The following ZNF569 variants were observed in gnomAD, a reference collection of about 807,000 sequenced individuals.
ZNF569 encodes the protein DNA-binding protein.
A neutral mutation model predicts 56.3 loss-of-function variants in ZNF569; 38 were observed. The observed-to-expected ratio is 0.68, with a 90% CI of 0.52 to 0.88. The LOEUF (loss-of-function observed/expected upper bound fraction) is 0.88. Among genes scored for constraint, ZNF569 ranks in the 40% least tolerant of loss-of-function variants. The pLI is 0.00. For synonymous variants in ZNF569, 241 were observed against 262.9 expected, an observed-to-expected ratio of 0.92 and a Z score of 0.81; for missense variants, 666 against 809.2, an observed-to-expected ratio of 0.82 and a Z score of 2.15.
At position 37,413,037 on chromosome 19, in the gene ZNF569, A is replaced by G; in HGVS notation, c.1621T>C (p.Leu541=). Residue 541 remains leucine (L), a synonymous_variant, in exon 6 of 6, where the codon TTG becomes CTG. Coordinates refer to ENST00000316950, the MANE Select transcript of ZNF569 (RefSeq NM_152484.3). The stretch of plus-strand genomic sequence containing the variant: ...GGCTTTTCCCCTGTATGACTTCTCA[A>G]ATGAAGGGTAAGGGATGCAATTTGA... ...FSQIASLTLH[L]RSHTGEKPYE... 1 of 1,613,062 alleles carries G rather than the reference A, an allele frequency of 6.2e-7. No individual in the cohort carries two copies. The highest frequency in any genetic ancestry group is 8.5e-7 in the Non-Finnish European group (1 of 1,179,608).
chr19:37,444,774 C>T (rs1056052023), intron 3 of ZNF569, 133 bp downstream of exon 3: 9 of 632,400 alleles, frequency 1.4e-5, no homozygotes, highest in African/African-American at 3.9e-5. Context: ...TAGTTTTAAT[C>T]GTTCAACTCT....
At chr19:37,422,629 A>G (rs932702184) in intron 5 of ZNF569, among the ~76,000 whole-genome samples, 5 of 152,260 alleles carry the variant, frequency 3.3e-5, no homozygotes, top group Admixed American at 3.3e-4. Context: ...AAAATAAAGC[A>G]TAATAACATG....
At chr19:37,438,438 G>C (rs2041348743) in intron 3 of ZNF569, among the ~76,000 whole-genome samples, 1 of 152,066 alleles carries the variant, frequency 6.6e-6, no homozygotes. Context: ...CAATGGAACA[G>C]AACAGAGAAC....
At chr19:37,453,080 T>G (rs1010281442) in intron 2 of ZNF569, among the ~76,000 whole-genome samples, 8 of 152,178 alleles carry the variant, frequency 5.3e-5, no homozygotes, top group Admixed American at 1.3e-4. Flanking sequence ...TCTGCTTTAT[T>G]TAGTCTGATG....
chr19:37,459,458 T>C (rs1200284072), intron 2 of ZNF569, among the ~76,000 whole-genome samples: 2 of 152,082 alleles, frequency 1.3e-5, no homozygotes, highest in Non-Finnish European at 2.9e-5. Context: ...CCTAGAATTC[T>C]CTCTATCCAG....
At chr19:37,440,858 A>G (rs2041392589) in intron 3 of ZNF569, among the ~76,000 whole-genome samples, 1 of 152,180 alleles carries the variant, frequency 6.6e-6, no homozygotes, top group Non-Finnish European at 1.5e-5. Flanking sequence ...AAGACTTAAT[A>G]TGGCAACAAA....
Position 37,413,692 on chromosome 19 carries a change from C to T in ZNF569, c.966G>A (p.Gly322=), listed in dbSNP as rs2040879070. The change falls in exon 6 of 6, where the codon GGG becomes GGA. Residue 322 remains glycine, a synonymous_variant. Transcript: ENST00000316950. ...ATTCATTACATGCATAAGGTTTCTC[C>T]CCAGTATGAACTTTCTGATGTGCAA... is the stretch of plus-strand genomic sequence containing the variant. ...SLIAHQKVHT[G]EKPYACNECG... 6.2e-7 allele frequency: 1 copy of T among 1,613,570 alleles called. No homozygotes were observed. Among genetic ancestry groups the T allele is most frequent in the Admixed American group, 1.7e-5 (1 of 59,978 alleles).
At chr19:37,451,947 A>T (rs545027234) in intron 2 of ZNF569, among the ~76,000 whole-genome samples, 1 of 152,226 alleles carries the variant, frequency 6.6e-6, no homozygotes, top group South Asian at 2.1e-4. Context: ...GCTAGGGAAG[A>T]ATTTACTATT....
chr19:37,432,438 G>C (rs2041241613), intron 3 of ZNF569, among the ~76,000 whole-genome samples: 1 of 152,218 alleles, frequency 6.6e-6, no homozygotes, highest in South Asian at 2.1e-4. Context: ...TTCTGTAAGA[G>C]CCACAGTGTT....
chr19:37,415,741 A>G (rs1408436578), intron 5 of ZNF569, among the ~76,000 whole-genome samples: 3 of 151,008 alleles, frequency 2.0e-5, no homozygotes, highest in African/African-American at 7.3e-5. Flanking sequence ...TTAGCTGGGC[A>G]TGGTGGCGGG....
chr19:37,415,676 C>G, intron 5 of ZNF569, among the ~76,000 whole-genome samples: 1 of 150,532 alleles, frequency 6.6e-6, no homozygotes, highest in East Asian at 2.0e-4. Flanking sequence ...TGAGACCATC[C>G]TGGCTAACAC....
Position 37,444,632 on chromosome 19 carries a change from T to G in ZNF569, c.15+275A>C, listed in dbSNP as rs1189884372. 1.3e-5 allele frequency among the ~76,000 whole-genome samples: 2 copies of G among 152,200 alleles called. 1 individual carries two copies. The highest frequency in any genetic ancestry group is 1.3e-4 in the Admixed American group (2 of 15,284). On this transcript the variant is annotated intron_variant, in intron 3 of 5. Transcript: ENST00000316950. ...CTGTTAGAAAATGTTGATTTTTTAT[T>G]GTTACAATGAAAATTATGTAACAAA... is the stretch of plus-strand genomic sequence containing the variant.
At position 37,462,340 on chromosome 19, in the gene ZNF569, G is replaced by A. The variant is rs145987399; in HGVS notation, c.-44+2973C>T. 4.0e-5 allele frequency among the ~76,000 whole-genome samples: 6 copies of A among 151,266 alleles called. No homozygotes were observed. In the East Asian group the frequency reaches 9.7e-4, roughly 24 times the overall value. ...CTGTATTGTAGTTTCTCTCTCTACC[G>A]GATCATTTCAATCAGTATATAAACA... On this transcript the variant is annotated intron_variant, in intron 2 of 5. Transcript: ENST00000316950.
chr19:37,469,071 C>A, upstream of ZNF569: 1 of 1,008,088 alleles, frequency 9.9e-7, no homozygotes, highest in African/African-American at 1.7e-5. Context: ...CACTTCCACA[C>A]CAGCCCGTGT....
chr19:37,424,558 A>C (rs1191790272), intron 5 of ZNF569, among the ~76,000 whole-genome samples: 1 of 152,106 alleles, frequency 6.6e-6, no homozygotes, highest in Non-Finnish European at 1.5e-5. Flanking sequence ...TCACGCCTGT[A>C]ATCTCAGCAC....
In ZNF569 at chr19:37,413,313, G is replaced by A; in HGVS notation, c.1345C>T (p.Gln449Ter). Reference protein sequence around the residue: ...ECNECGKAFIQMSNLVRHQRI... With the variant: ...ECNECGKAFI ...TGGTGTCTAACAAGATTTGACATCTGTATAAAAGCTTTCCCACATTCATTA... is the reference window on the plus strand; with the variant it reads ...TGGTGTCTAACAAGATTTGACATCTATATAAAAGCTTTCCCACATTCATTA... The change falls in exon 6 of 6, where the codon CAG (glutamine) becomes TAG (stop). Residue 449 changes from glutamine (Q) to a stop codon, truncating the protein, a stop_gained. Coordinates refer to ENST00000316950, the MANE Select transcript of ZNF569 (RefSeq NM_152484.3). LOFTEE classifies it high-confidence loss of function. 1 of 1,608,848 alleles carries A rather than the reference G, an allele frequency of 6.2e-7. No individual in the cohort carries two copies. Among genetic ancestry groups the A allele is most frequent in the Non-Finnish European group, 8.5e-7 (1 of 1,178,338 alleles).
intron 3 of ZNF569, chr19:37,431,513 C>G (rs969681354): frequency 2.0e-5 from 3 of 152,422 alleles, no homozygotes; most frequent in Non-Finnish European, 2.9e-5. Context: ...GACTAAAGAG[C>G]CCTTGAGCCC....
intron 2 of ZNF569, among the ~76,000 whole-genome samples, chr19:37,451,940 A>G (rs1174469896): frequency 1.3e-5 from 2 of 152,304 alleles, no homozygotes; most frequent in East Asian, 3.9e-4. Flanking sequence ...AATTATTGCT[A>G]GGGAAGAATT....
At chr19:37,439,472 C>T (rs1426532820) in intron 3 of ZNF569, among the ~76,000 whole-genome samples, 4 of 152,114 alleles carry the variant, frequency 2.6e-5, no homozygotes, top group African/African-American at 9.7e-5. Flanking sequence ...TAAATTAGTA[C>T]AACCTGATGG....
Sources: allele counts gnomAD v4.1 joint callset (sites outside exome capture counted in the v4.1 genomes callset), GRCh38; gene constraint gnomAD v4.1.1; transcripts MANE v1.5; gene names NCBI Gene and HGNC (gene_info 2026-07-23, HGNC 2026-07-21).